PHAF1: variants seen among roughly 807,000 people sequenced by gnomAD.
PHAF1 encodes the protein phagosome assembly factor 1.
Under a neutral mutation model 63.1 loss-of-function variants are expected in PHAF1, and 23 were observed. The ratio of observed to expected loss-of-function variants is 0.36; its 90% CI spans 0.26 to 0.52. The LOEUF (loss-of-function observed/expected upper bound fraction) is 0.52, where lower values mean the gene tolerates loss of function less well. Among genes scored for constraint, PHAF1 ranks in the 20% least tolerant of loss-of-function variants. The pLI, the probability that PHAF1 is intolerant of heterozygous loss-of-function variation, is 0.93. For synonymous variants in PHAF1, 167 were observed against 185.0 expected, an observed-to-expected ratio of 0.90 and a Z score of 0.79; for missense variants, 427 against 517.2, an observed-to-expected ratio of 0.83 and a Z score of 1.69.
chr16:67,144,405 T>G (rs1295508059), intron 11 of PHAF1, 29 bp downstream of exon 11: 4 of 1,526,930 alleles, frequency 2.6e-6, no homozygotes, highest in Non-Finnish European at 3.6e-6. Context: ...ACCTCCCCTC[T>G]GTGAAGTGAG....
Position 67,110,146 on chromosome 16 carries a change from G to T in PHAF1, c.-30G>T, listed in dbSNP as rs376457649. ...CGGGTCCCTTCTGCGCTGCCGCAGG[G>T]AGGCCGCCCGGGCCAGGCGAGCCGA... On this transcript the variant is annotated 5_prime_UTR_variant, in exon 1 of 16. Coordinates refer to ENST00000219139, the MANE Select transcript of PHAF1 (RefSeq NM_025187.5). 1.9e-6 allele frequency: 3 copies of T among 1,550,242 alleles called. No homozygotes were observed. The highest frequency in any genetic ancestry group is 1.2e-5 in the South Asian group (1 of 84,012).
chr16:67,132,290 C>T (rs1963433507), intron 4 of PHAF1, 156 bp from the exon 5 acceptor site: 7 of 658,110 alleles, frequency 1.1e-5, no homozygotes, highest in South Asian at 4.0e-5. Flanking sequence ...CTCATTAATG[C>T]TCTTATTTAA....
At chr16:67,113,290 G>A (rs1962592748) in intron 1 of PHAF1, among the ~76,000 whole-genome samples, 1 of 152,094 alleles carries the variant, frequency 6.6e-6, no homozygotes, top group South Asian at 2.1e-4. Context: ...TGCCTTCCTG[G>A]TTGTATAATG....
chr16:67,131,777 C>A (rs1038426497), intron 4 of PHAF1, among the ~76,000 whole-genome samples: 2 of 152,200 alleles, frequency 1.3e-5, no homozygotes, highest in South Asian at 4.1e-4. Context: ...AGAATTACAG[C>A]GGGGATGACA....
Position 67,110,165 on chromosome 16 carries a change from G to A in PHAF1, c.-11G>A, listed in dbSNP as rs1273994843. On this transcript the variant is annotated 5_prime_UTR_variant, in exon 1 of 16. Transcript: ENST00000219139. ...CGCAGGGAGGCCGCCCGGGCCAGGCGAGCCGAACCAATGCTGGACCTGGAG... is the reference window on the plus strand; with the variant it reads ...CGCAGGGAGGCCGCCCGGGCCAGGCAAGCCGAACCAATGCTGGACCTGGAG... 1.3e-6 allele frequency: 2 copies of A among 1,551,280 alleles called. No homozygotes were observed. Among genetic ancestry groups the A allele is most frequent in the Admixed American group, 2.0e-5 (1 of 51,062 alleles).
intron 10 of PHAF1, among the ~76,000 whole-genome samples, chr16:67,142,555 G>A (rs559437531): frequency 2.6e-5 from 4 of 152,172 alleles, no homozygotes; most frequent in African/African-American, 4.8e-5. Context: ...CCCTGAGTGC[G>A]TGCACTCCCA....
intron 14 of PHAF1, 58 bp from the exon 15 acceptor site, chr16:67,146,220 C>G (rs2030049498): frequency 6.7e-7 from 1 of 1,502,362 alleles, no homozygotes; most frequent in Non-Finnish European, 9.3e-7. Flanking sequence ...GACTGGATCC[C>G]TTGCTTTAAG....
chr16:67,138,588 G>A (rs1398144036), intron 8 of PHAF1, among the ~76,000 whole-genome samples: 1 of 151,968 alleles, frequency 6.6e-6, no homozygotes, highest in Non-Finnish European at 1.5e-5. Flanking sequence ...TTTACTGTTG[G>A]TGTATCTATT....
chr16:67,118,123 ATT>A (rs772394136), intron 1 of PHAF1, among the ~76,000 whole-genome samples: 20 of 120,940 alleles, frequency 1.7e-4, no homozygotes, highest in Admixed American at 6.6e-4. Context: ...CGCCCGGCTA[ATT>A]TTTTTTTTTT....
At chr16:67,136,554 C>CTTTTTTTTTTTTTTTTTTTTTTT (rs34174571) in intron 8 of PHAF1, among the ~76,000 whole-genome samples, 5 of 60,462 alleles carry the variant, frequency 8.3e-5, no homozygotes, top group African/African-American at 2.9e-4. Flanking sequence ...GCATTGATTC[C>CTTTTTTTTTTTTTTTTTTTTTTT]TTTTTTTTTT....
rs763179851 is a variant in PHAF1, at chr16:67,134,225, C to T, written c.508C>T (p.Arg170Ter). 2.5e-6 allele frequency: 4 copies of T among 1,614,138 alleles called. No individual in the cohort carries two copies. The highest frequency in any genetic ancestry group is 1.3e-5 in the African/African-American group (1 of 75,026). The change falls in exon 7 of 16, where the codon CGA (arginine) becomes TGA (stop). Residue 170 changes from arginine (R) to a stop codon, truncating the protein, a stop_gained. Coordinates refer to ENST00000219139, the MANE Select transcript of PHAF1 (RefSeq NM_025187.5). LOFTEE classifies it high-confidence loss of function. ...GATACCCCATGGAGCAACTGTAAAA[C>T]GAATGTACATCTACAGTGGCAACAG... The part of the protein sequence containing the change: ...LQIPHGATVK[R>*]MYIYSGNSLQ...
chr16:67,140,156 T>C (rs778801906), intron 9 of PHAF1, 39 bp downstream of exon 9: 6 of 1,596,586 alleles, frequency 3.8e-6, no homozygotes, highest in Non-Finnish European at 4.3e-6. Context: ...TTTTTTTTAA[T>C]CAACACTAAT....
chr16:67,134,349 C>T lies in PHAF1; in HGVS notation c.549-6C>T. The stretch of plus-strand genomic sequence containing the variant: ...AAGCCTCTGCTCATTCTGTGTCTGT[C>T]CCCAGGGCTCCCATGATGCCTCTGA... On this transcript the variant is annotated splice_polypyrimidine_tract_variant and splice_region_variant and intron_variant, in intron 7 of 15. Transcript: ENST00000219139. The T allele has an allele frequency of 6.2e-7, 1 of 1,611,296 alleles. No individual in the cohort carries two copies. The highest frequency in any genetic ancestry group is 8.5e-7 in the Non-Finnish European group (1 of 1,177,446).
chr16:67,125,860 T>C (rs1963168041), intron 2 of PHAF1, 99 bp from the exon 3 acceptor site: 2 of 868,424 alleles, frequency 2.3e-6, no homozygotes, highest in Non-Finnish European at 3.8e-6. Context: ...TGTCTGCACT[T>C]AGATATTCCT....
At chr16:67,133,356 T>G (rs1292839460) in intron 6 of PHAF1, among the ~76,000 whole-genome samples, 1 of 152,020 alleles carries the variant, frequency 6.6e-6, no homozygotes, top group African/African-American at 2.4e-5. Flanking sequence ...TTTTCCCCTA[T>G]GAAGAAAAGG....
chr16:67,142,487 A>G (rs1442423308), intron 10 of PHAF1, among the ~76,000 whole-genome samples: 1 of 152,206 alleles, frequency 6.6e-6, no homozygotes, highest in Non-Finnish European at 1.5e-5. Flanking sequence ...TCAGCGTGCC[A>G]TCCATGGTGC....
In PHAF1 at chr16:67,144,859, C is replaced by T. The variant is rs2029904041; in HGVS notation, c.988C>T (p.Pro330Ser). The part of the protein sequence containing the change: ...NIYHRCEFKI[P>S]LAIKKENADG... The stretch of plus-strand genomic sequence containing the variant: ...TTATCATCGCTGTGAGTTCAAGATC[C>T]CACTAGCCATAAAGAAAGGTGAGTA... The change falls in exon 12 of 16, where the codon CCA becomes TCA. Residue 330 changes from proline to serine, a missense_variant. By Grantham distance (74) the Pro-to-Ser change is moderately conservative. Coordinates refer to ENST00000219139, the MANE Select transcript of PHAF1 (RefSeq NM_025187.5). 6.2e-7 allele frequency: 1 copy of T among 1,614,094 alleles called. No homozygotes were observed. Among genetic ancestry groups the T allele is most frequent in the East Asian group, 2.2e-5 (1 of 44,878 alleles).
intron 15 of PHAF1, 122 bp downstream of exon 15, chr16:67,146,472 T>C: frequency 4.9e-6 from 5 of 1,024,840 alleles, no homozygotes; most frequent in Non-Finnish European, 7.6e-6. Context: ...TTCATCCTTC[T>C]TCAGCAACCG....
At chr16:67,121,418 G>A (rs1962969998) in intron 2 of PHAF1, among the ~76,000 whole-genome samples, 1 of 146,312 alleles carries the variant, frequency 6.8e-6, no homozygotes, top group South Asian at 2.2e-4. Context: ...TAGCCAGGAT[G>A]GTCTCGATCT....
Sources: gnomAD v4.1 joint callset for allele counts (sites outside exome capture counted in the v4.1 genomes callset) on GRCh38, gnomAD v4.1.1 for gene constraint, MANE v1.5 for transcripts, NCBI Gene and HGNC (gene_info 2026-07-23, HGNC 2026-07-21) for gene names.